The following GRAMD1B variants were observed in gnomAD, a reference collection of about 807,000 sequenced individuals.
GRAMD1B encodes GRAM domain containing 1B.
A neutral mutation model predicts 99.7 loss-of-function variants in GRAMD1B; 37 were observed. That is an observed-to-expected ratio of 0.37 (90% CI 0.29 to 0.49). GRAMD1B has a LOEUF of 0.49. Among genes scored for constraint, GRAMD1B ranks in the 20% least tolerant of loss-of-function variants. The pLI is 0.98. For missense variants in GRAMD1B, 888 were observed against 1,009.2 expected (o/e 0.88, Z 1.63); for synonymous variants, 427 against 387.6 (o/e 1.10, Z -1.19).
At chr11:123,466,916 T>C (rs966837514) in intron 1 of GRAMD1B, among the ~76,000 whole-genome samples, 6 of 152,180 alleles carry the variant, frequency 3.9e-5, no homozygotes, top group African/African-American at 1.2e-4. Context: ...TGTGGGAAAC[T>C]AGAAAAAGGT....
chr11:123,544,671 T>C (rs1944888021), intron 2 of GRAMD1B, among the ~76,000 whole-genome samples: 2 of 152,218 alleles, frequency 1.3e-5, no homozygotes, highest in Admixed American at 6.5e-5. Context: ...TCACTGAGCA[T>C]TGCCCACAGC....
At chr11:123,527,553 G>T (rs148022090) in intron 2 of GRAMD1B, among the ~76,000 whole-genome samples, 2 of 152,100 alleles carry the variant, frequency 1.3e-5, no homozygotes, top group East Asian at 3.9e-4. Context: ...TTGCTTTCTT[G>T]GGGTCTGGTA....
Position 123,618,742 on chromosome 11 carries a change from A to G in GRAMD1B, c.2368A>G (p.Met790Val), listed in dbSNP as rs1186594571. ...CATGATGCTCTTCTACAAACTCTGG[A>G]TGTTGGAATACACCACGCAGACCCT... is the stretch of plus-strand genomic sequence containing the variant. ...LNMMLFYKLW[M>V]LEYTTQTLTA... The change falls in exon 18 of 20, where the codon ATG becomes GTG. Residue 790 changes from methionine to valine, a missense_variant. This residue lies in a region of GRAMD1B where 232 missense variants were observed against 261.7 expected (regional missense o/e 0.89). Transcript: ENST00000635736. 6.3e-7 allele frequency: 1 copy of G among 1,590,976 alleles called. No individual in the cohort carries two copies. Among genetic ancestry groups the G allele is most frequent in the East Asian group, 2.3e-5 (1 of 43,892 alleles).
chr11:123,618,610 A>G, intron 17 of GRAMD1B, 83 bp from the exon 18 acceptor site: 1 of 862,688 alleles, frequency 1.2e-6, no homozygotes, highest in Non-Finnish European at 2.0e-6. Context: ...CCGGTCAGGG[A>G]CAGCAGCCTC....
chr11:123,499,853 CTTTG>C (rs1257338886), intron 2 of GRAMD1B, among the ~76,000 whole-genome samples: 1 of 152,170 alleles, frequency 6.6e-6, no homozygotes, highest in African/African-American at 2.4e-5. Context: ...TTTTGAAACT[CTTTG>C]TTTGGTTGAC....
intron 2 of GRAMD1B, among the ~76,000 whole-genome samples, chr11:123,548,299 T>TATATATGTACACACACACACACAC (rs1233063796): frequency 1.6e-5 from 1 of 61,098 alleles, no homozygotes; most frequent in African/African-American, 1.5e-4. Flanking sequence ...AAAATATATA[T>TATATATGTACACACACACACACAC]ATATATATAT....
At chr11:123,366,954 A>T (rs543618169) in intron 1 of GRAMD1B, among the ~76,000 whole-genome samples, 1 of 152,354 alleles carries the variant, frequency 6.6e-6, no homozygotes, top group South Asian at 2.1e-4. Context: ...CTGTAATCCC[A>T]GCAATTTGGG....
At chr11:123,398,816 A>G (rs922602069) in intron 1 of GRAMD1B, among the ~76,000 whole-genome samples, 3 of 152,188 alleles carry the variant, frequency 2.0e-5, no homozygotes, top group Non-Finnish European at 4.4e-5. Context: ...ATACAACTCA[A>G]TGAGTTTAGG....
rs531162612 is a variant in GRAMD1B, at chr11:123,525,952, G to T, written c.452+45059G>T. On this transcript the variant is annotated intron_variant, in intron 2 of 19. Coordinates refer to ENST00000635736, the MANE Select transcript of GRAMD1B (RefSeq NM_001387025.1). ...CTCCAAGCCCAGCTTTCAGCTGGGA[G>T]AGGGGGAAGAAGGGGCAGTGGCAGC... is the stretch of plus-strand genomic sequence containing the variant. 33 of 594,608 alleles carry T rather than the reference G, an allele frequency of 5.5e-5. No individual in the cohort carries two copies. The East Asian group carries it at 9.3e-4, about 17-fold the overall frequency. 36.8% of individuals were successfully genotyped at this position (594,608 alleles called of 1,614,324 possible).
intron 1 of GRAMD1B, among the ~76,000 whole-genome samples, chr11:123,400,808 T>C (rs1171174617): frequency 6.6e-6 from 1 of 152,242 alleles, no homozygotes; most frequent in Non-Finnish European, 1.5e-5. Flanking sequence ...TTTGCATATA[T>C]GTTCTGTCAT....
At chr11:123,462,891 T>TAAAAAA (rs1022451957) in intron 1 of GRAMD1B, among the ~76,000 whole-genome samples, 2 of 111,422 alleles carry the variant, frequency 1.8e-5, no homozygotes, top group East Asian at 2.1e-4. Flanking sequence ...AAAAATAAAT[T>TAAAAAA]AAAAAAAAAA....
intron 2 of GRAMD1B, among the ~76,000 whole-genome samples, chr11:123,566,170 C>T (rs1277365112): frequency 6.6e-6 from 1 of 152,156 alleles, no homozygotes; most frequent in Non-Finnish European, 1.5e-5. Context: ...AAAGGATTCT[C>T]ACTCCAGGAA....
At chr11:123,490,475 A>C (rs1299330204) in intron 2 of GRAMD1B, among the ~76,000 whole-genome samples, 1 of 152,196 alleles carries the variant, frequency 6.6e-6, no homozygotes, top group African/African-American at 2.4e-5. Flanking sequence ...CTTATGAAAA[A>C]ATTGCTTACA....
intron 2 of GRAMD1B, among the ~76,000 whole-genome samples, chr11:123,520,211 TC>T (rs761380266): frequency 1.3e-5 from 2 of 152,238 alleles, no homozygotes; most frequent in East Asian, 3.9e-4. Flanking sequence ...CCAGTAAAGT[TC>T]AGAAGAAACC....
rs1033433335 is a variant in GRAMD1B at position 123,431,288 on chromosome 11, C to T, written c.374+122C>T. The T allele has an allele frequency of 5.6e-5, 33 of 593,942 alleles. No individual in the cohort carries two copies. In the African/African-American group the frequency reaches 6.2e-4, roughly 11 times the overall value. 36.8% of individuals were successfully genotyped at this position (593,942 alleles called of 1,614,324 possible). On this transcript the variant is annotated intron_variant, in intron 1 of 19. Transcript: ENST00000635736. Reference sequence around the variant, plus strand: ...GAACAGGAGCCCGTCACCAGAGGCGCTTCTGGAGGGCGCTGCGCCTGGTCC... The same window carrying T: ...GAACAGGAGCCCGTCACCAGAGGCGTTTCTGGAGGGCGCTGCGCCTGGTCC...
At chr11:123,608,339 A>G in intron 11 of GRAMD1B, 1 of 659,782 alleles carries the variant, frequency 1.5e-6, no homozygotes. Context: ...GTAGTCATTT[A>G]TTTGAATTTT....
intron 2 of GRAMD1B, among the ~76,000 whole-genome samples, chr11:123,494,112 C>T (rs897950847): frequency 6.6e-6 from 1 of 152,078 alleles, no homozygotes; most frequent in Non-Finnish European, 1.5e-5. Context: ...TTATTGTGTC[C>T]GCAACACTTA....
At chr11:123,577,043 C>T (rs531917628) in intron 2 of GRAMD1B, among the ~76,000 whole-genome samples, 10 of 152,194 alleles carry the variant, frequency 6.6e-5, no homozygotes, top group African/African-American at 9.7e-5. Flanking sequence ...ATTCTATATG[C>T]CCCAGACAAT....
chr11:123,458,458 A>G (rs187645479), intron 1 of GRAMD1B: 6 of 152,350 alleles, frequency 3.9e-5, no homozygotes, highest in South Asian at 2.1e-4. Context: ...TCAGACTCAC[A>G]TGCTGATCTC....
Sources: allele counts gnomAD v4.1 joint callset (sites outside exome capture counted in the v4.1 genomes callset), GRCh38; gene constraint gnomAD v4.1.1; regional missense constraint gnomAD v4.1.1; transcripts MANE v1.5; gene names NCBI Gene and HGNC (gene_info 2026-07-23, HGNC 2026-07-21).